Variants in XKR4 observed in about 807,000 individuals in gnomAD.
The protein encoded by XKR4 is XK related 4, also known as XK-related protein 4.
A neutral mutation model predicts 53.9 loss-of-function variants in XKR4; 12 were observed. The ratio of observed to expected loss-of-function variants is 0.22; its 90% confidence interval spans 0.14 to 0.36. The LOEUF is 0.36. XKR4 is among the 10% of genes least tolerant of loss of function. The probability of loss-of-function intolerance (pLI) is 1.00; values close to 1 mark genes in which losing one functional copy is unlikely to be tolerated. For missense variants in XKR4, 799 were observed against 859.5 expected (o/e 0.93, Z 0.88); for synonymous variants, 354 against 362.4 (o/e 0.98, Z 0.26).
intron 1 of XKR4, among the ~76,000 whole-genome samples, chr8:55,326,849 A>G (rs576515590): frequency 6.6e-6 from 1 of 151,824 alleles, no homozygotes; most frequent in African/African-American, 2.4e-5. Context: ...TTGAGTTTTT[A>G]TGCCTAATTA....
rs146127389 is a variant in XKR4 at position 55,407,300 on chromosome 8, G to A, written c.1006+49423G>A. 3.0e-3 allele frequency among the ~76,000 whole-genome samples: 456 copies of A among 152,308 alleles called. 5 individuals carry two copies. The highest frequency in any genetic ancestry group is 0.011 in the African/African-American group (441 of 41,558). On this transcript the variant is annotated intron_variant, in intron 2 of 2. Coordinates refer to ENST00000327381, the MANE Select transcript of XKR4 (RefSeq NM_052898.2). ...GGAAGAACATGTCGGGTGTGAAGCG[G>A]GGCTTTCGCACTGCTTCCCAGGAAT...
chr8:55,410,259 G>C (rs1585560427), intron 2 of XKR4, among the ~76,000 whole-genome samples: 1 of 151,980 alleles, frequency 6.6e-6, no homozygotes, highest in Non-Finnish European at 1.5e-5. Context: ...CCTCATCCTT[G>C]TCTCCTCCCT....
At chr8:55,514,784 T>A (rs149295557) in intron 2 of XKR4, among the ~76,000 whole-genome samples, 15 of 152,304 alleles carry the variant, frequency 9.8e-5, no homozygotes, top group Non-Finnish European at 1.9e-4. Flanking sequence ...ACTTATTGTA[T>A]CATCATTTTA....
At position 55,406,533 on chromosome 8, in the gene XKR4, C is replaced by T. The variant is rs1211931974; in HGVS notation, c.1006+48656C>T. ...GCCAGAAAGGCCCGGGTCTGCCTGG[C>T]CCCGGAACCAAGGTCTTACCTACTT... is the stretch of plus-strand genomic sequence containing the variant. On this transcript the variant is annotated intron_variant, in intron 2 of 2. Coordinates refer to ENST00000327381, the MANE Select transcript of XKR4 (RefSeq NM_052898.2). Among the ~76,000 whole-genome samples, 3 of 152,198 alleles carry T rather than the reference C, an allele frequency of 2.0e-5. No homozygotes were observed. In the East Asian group the frequency reaches 5.8e-4, roughly 29 times the overall value.
intron 2 of XKR4, among the ~76,000 whole-genome samples, chr8:55,509,847 C>G (rs1806599887): frequency 1.3e-5 from 2 of 152,214 alleles, no homozygotes; most frequent in African/African-American, 4.8e-5. Context: ...CTCTCACAGC[C>G]AGCGCTTTTC....
chr8:55,146,044 G>T (rs1465765412), intron 1 of XKR4, among the ~76,000 whole-genome samples: 2 of 152,296 alleles, frequency 1.3e-5, no homozygotes, highest in African/African-American at 4.8e-5. Flanking sequence ...TTTGCAAATG[G>T]GAATTATGAA....
At chr8:55,346,453 G>A (rs897660210) in intron 1 of XKR4, among the ~76,000 whole-genome samples, 1 of 152,118 alleles carries the variant, frequency 6.6e-6, no homozygotes, top group African/African-American at 2.4e-5. Flanking sequence ...GGGAAATAAA[G>A]TCTAATCTTG....
chr8:55,449,453 C>T (rs1257601338), intron 2 of XKR4: 14 of 841,038 alleles, frequency 1.7e-5, no homozygotes, highest in South Asian at 1.6e-4. Flanking sequence ...CTGCCCTGCC[C>T]ACCCCTAGTG....
chr8:55,295,287 G>A (rs542760018), intron 1 of XKR4, among the ~76,000 whole-genome samples: 95 of 152,254 alleles, frequency 6.2e-4, no homozygotes, highest in Non-Finnish European at 1.2e-3. Context: ...AGTATTATGA[G>A]AAGGCACAGA....
At chr8:55,152,510 G>T (rs1816852424) in intron 1 of XKR4, among the ~76,000 whole-genome samples, 1 of 152,106 alleles carries the variant, frequency 6.6e-6, no homozygotes, top group Non-Finnish European at 1.5e-5. Context: ...AATGATAAAT[G>T]AATGGTCAGT....
At chr8:55,446,454 G>A (rs548301769) in intron 2 of XKR4, among the ~76,000 whole-genome samples, 42 of 152,212 alleles carry the variant, frequency 2.8e-4, no homozygotes, top group African/African-American at 9.6e-4. Flanking sequence ...TGATTCTCCA[G>A]CCTCAGCCTC....
At chr8:55,106,078 G>A (rs962780366) in intron 1 of XKR4, among the ~76,000 whole-genome samples, 2 of 152,078 alleles carry the variant, frequency 1.3e-5, no homozygotes, top group Admixed American at 1.3e-4. Flanking sequence ...AAGCACAGAG[G>A]TCATTATTCA....
chr8:55,291,290 G>T (rs1264613447), intron 1 of XKR4, among the ~76,000 whole-genome samples: 3 of 152,118 alleles, frequency 2.0e-5, no homozygotes, highest in African/African-American at 7.2e-5. Context: ...TCTTGAAATT[G>T]TGTGGACTGA....
chr8:55,496,996 A>G (rs542874056), intron 2 of XKR4, among the ~76,000 whole-genome samples: 1 of 152,196 alleles, frequency 6.6e-6, no homozygotes, highest in African/African-American at 2.4e-5. Context: ...GATCCTGCCC[A>G]GGAGCTCCCT....
At chr8:55,409,769 T>C (rs1252818698) in intron 2 of XKR4, among the ~76,000 whole-genome samples, 1 of 152,232 alleles carries the variant, frequency 6.6e-6, no homozygotes, top group African/African-American at 2.4e-5. Flanking sequence ...GGCCCTAGGA[T>C]CTCTTTTTAA....
intron 2 of XKR4, among the ~76,000 whole-genome samples, chr8:55,396,383 GTT>G (rs5891571): frequency 1.6e-5 from 2 of 122,592 alleles, no homozygotes; most frequent in African/African-American, 3.2e-5. Flanking sequence ...GTTTTTTTGT[GTT>G]TTTTTTTTGT....
intron 2 of XKR4, among the ~76,000 whole-genome samples, chr8:55,477,895 A>T (rs202165775): frequency 2.0e-5 from 3 of 152,096 alleles, no homozygotes; most frequent in South Asian, 2.1e-4. Flanking sequence ...CCAAGAAATA[A>T]GGGACTATGT....
intron 2 of XKR4, among the ~76,000 whole-genome samples, chr8:55,486,756 G>A (rs1806196602): frequency 6.6e-6 from 1 of 152,216 alleles, no homozygotes; most frequent in Non-Finnish European, 1.5e-5. Context: ...CAGCAATTAA[G>A]CAATTTTCCA....
At chr8:55,119,054 GA>G (rs1330625572) in intron 1 of XKR4, among the ~76,000 whole-genome samples, 4 of 152,074 alleles carry the variant, frequency 2.6e-5, no homozygotes, top group African/African-American at 9.7e-5. Flanking sequence ...AGATACTGTG[GA>G]GTGAAAATGC....
Sources: allele counts gnomAD v4.1 joint callset (sites outside exome capture counted in the v4.1 genomes callset), GRCh38; gene constraint gnomAD v4.1.1; transcripts MANE v1.5; gene names NCBI Gene and HGNC (gene_info 2026-07-23, HGNC 2026-07-21).